Variants in EEF1AKMT1 observed in about 807,000 individuals in gnomAD.
EEF1AKMT1 encodes EEF1A lysine methyltransferase 1, also known as N-6 adenine-specific DNA methyltransferase 2 (putative).
In EEF1AKMT1, 18 loss-of-function variants were observed where a neutral mutation model predicts 21.0. That is an observed-to-expected ratio of 0.86 (90% CI 0.59 to 1.27). The LOEUF is 1.27. EEF1AKMT1 is among the 50% of genes most tolerant of loss of function. The probability of loss-of-function intolerance (pLI) is 0.00; values close to 1 mark genes in which losing one functional copy is unlikely to be tolerated. For missense variants in EEF1AKMT1, 246 were observed against 258.6 expected (o/e 0.95, Z 0.33); for synonymous variants, 109 against 94.8 (o/e 1.15, Z -0.87).
intron 1 of EEF1AKMT1, among the ~76,000 whole-genome samples, chr13:20,773,611 G>T (rs946326313): frequency 6.6e-6 from 1 of 152,236 alleles, no homozygotes; most frequent in African/African-American, 2.4e-5. Flanking sequence ...GTAGCCTGGG[G>T]GTTAATTTCC....
chr13:20,729,667 C>T (rs946344930), intron 4 of EEF1AKMT1, among the ~76,000 whole-genome samples: 1 of 152,130 alleles, frequency 6.6e-6, no homozygotes, highest in African/African-American at 2.4e-5. Context: ...CAATTTCTCC[C>T]CGCCCTGGGC....
At chr13:20,772,588 T>C (rs980029520) in intron 1 of EEF1AKMT1, among the ~76,000 whole-genome samples, 4 of 152,102 alleles carry the variant, frequency 2.6e-5, no homozygotes, top group South Asian at 2.1e-4. Context: ...AGGCCCTCTA[T>C]AGAGAAGCAC....
chr13:20,750,657 G>C (rs537224908), intron 2 of EEF1AKMT1, among the ~76,000 whole-genome samples: 1 of 152,204 alleles, frequency 6.6e-6, no homozygotes, highest in East Asian at 1.9e-4. Flanking sequence ...ATGAGGAGCA[G>C]GTACGTTTTT....
At chr13:20,737,980 G>A (rs1006853305) in intron 2 of EEF1AKMT1, among the ~76,000 whole-genome samples, 175 bp from the exon 3 acceptor site, 18 of 151,984 alleles carry the variant, frequency 1.2e-4, no homozygotes, top group East Asian at 1.9e-4. Flanking sequence ...ATTTTTCTTC[G>A]AAATTACTTT....
chr13:20,737,948 A>T (rs936727154), intron 2 of EEF1AKMT1, 143 bp from the exon 3 acceptor site: 84 of 472,572 alleles, frequency 1.8e-4, no homozygotes. Flanking sequence ...ATATTTTTAA[A>T]AAGTTTTTCT....
intron 1 of EEF1AKMT1, among the ~76,000 whole-genome samples, chr13:20,770,753 G>A (rs1330208227): frequency 6.6e-6 from 1 of 152,120 alleles, no homozygotes; most frequent in Non-Finnish European, 1.5e-5. Context: ...AAAAAAGGCT[G>A]CACCACAATA....
intron 1 of EEF1AKMT1, among the ~76,000 whole-genome samples, chr13:20,765,405 G>GTTTTTTTTTTTTTTTTTTTT (rs1171165259): frequency 1.7e-5 from 1 of 58,678 alleles, no homozygotes; most frequent in Non-Finnish European, 2.8e-5. Flanking sequence ...CTTCCCTTGG[G>GTTTTTTTTTTTTTTTTTTTT]TTTTTTTTTT....
intron 1 of EEF1AKMT1, among the ~76,000 whole-genome samples, chr13:20,765,803 C>CA (rs747496701): frequency 6.6e-6 from 1 of 150,708 alleles, no homozygotes; most frequent in African/African-American, 2.4e-5. Context: ...TACCAAAAGA[C>CA]AAAATAGGAA....
intron 2 of EEF1AKMT1, among the ~76,000 whole-genome samples, chr13:20,752,823 G>T (rs1006649051): frequency 1.3e-5 from 2 of 151,562 alleles, no homozygotes; most frequent in African/African-American, 4.8e-5. Flanking sequence ...ATTTATTTTT[G>T]TCTTTTGTTT....
intron 1 of EEF1AKMT1, among the ~76,000 whole-genome samples, chr13:20,772,863 A>T (rs2059069316): frequency 6.6e-6 from 1 of 152,170 alleles, no homozygotes; most frequent in African/African-American, 2.4e-5. Context: ...AAACCACCAT[A>T]CTGTAATTTC....
At chr13:20,737,452 T>C (rs2058832577) in intron 3 of EEF1AKMT1, among the ~76,000 whole-genome samples, 3 of 152,230 alleles carry the variant, frequency 2.0e-5, no homozygotes, top group Admixed American at 6.5e-5. Context: ...AAAGGTAAGA[T>C]ATTCTCTTTT....
intron 1 of EEF1AKMT1, among the ~76,000 whole-genome samples, chr13:20,760,304 T>G (rs887711091): frequency 2.0e-5 from 3 of 152,066 alleles, no homozygotes; most frequent in Non-Finnish European, 2.9e-5. Flanking sequence ...CTATCAAAGA[T>G]GGGCTGGATA....
intron 2 of EEF1AKMT1, among the ~76,000 whole-genome samples, chr13:20,739,357 G>C (rs191924406): frequency 6.6e-6 from 1 of 152,178 alleles, no homozygotes; most frequent in South Asian, 2.1e-4. Flanking sequence ...GGTTGCCGCC[G>C]CTAAGCAGGG....
chr13:20,750,385 C>G (rs2058934076), intron 2 of EEF1AKMT1, among the ~76,000 whole-genome samples: 1 of 152,130 alleles, frequency 6.6e-6, no homozygotes, highest in Admixed American at 6.6e-5. Context: ...ATCTATCATT[C>G]TATTCTCTAT....
intron 2 of EEF1AKMT1, 159 bp downstream of exon 2, chr13:20,757,296 C>T: frequency 1.4e-6 from 1 of 717,646 alleles, no homozygotes; most frequent in Non-Finnish European, 2.3e-6. Context: ...AAAATGTTCA[C>T]TGACTGCTTT....
chr13:20,771,204 C>T (rs909460078), intron 1 of EEF1AKMT1, among the ~76,000 whole-genome samples: 2 of 152,076 alleles, frequency 1.3e-5, no homozygotes, highest in African/African-American at 2.4e-5. Context: ...TCCACAGCTG[C>T]GTCACTGAAG....
chr13:20,736,322 C>CA (rs1482749362), intron 3 of EEF1AKMT1, among the ~76,000 whole-genome samples: 1 of 152,112 alleles, frequency 6.6e-6, no homozygotes, highest in African/African-American at 2.4e-5. Context: ...TGCTGTCCAA[C>CA]AAAACCATCA....
intron 4 of EEF1AKMT1, 95 bp downstream of exon 4, chr13:20,731,746 C>A: frequency 1.6e-6 from 2 of 1,282,030 alleles, no homozygotes; most frequent in Non-Finnish European, 1.1e-6. Context: ...TCACAAGTCA[C>A]ACAGGAAGTG....
At chr13:20,758,131 G>A (rs564505590) in intron 1 of EEF1AKMT1, among the ~76,000 whole-genome samples, 1 of 152,230 alleles carries the variant, frequency 6.6e-6, no homozygotes, top group East Asian at 1.9e-4. Context: ...CCTGACCCAG[G>A]AGAAATTAAT....
Sources: allele counts gnomAD v4.1 joint callset (sites outside exome capture counted in the v4.1 genomes callset), GRCh38; gene constraint gnomAD v4.1.1; transcripts MANE v1.5; gene names NCBI Gene and HGNC (gene_info 2026-07-23, HGNC 2026-07-21).